The following AKAP13 variants were observed in gnomAD, a reference collection of about 807,000 sequenced individuals.
The protein encoded by AKAP13 is A-kinase anchor protein 13.
AKAP13 carries 80 observed loss-of-function variants against 264.5 expected under a neutral mutation model. That is an observed-to-expected ratio of 0.30 (90% CI 0.25 to 0.36). The LOEUF is 0.36. AKAP13 is among the 10% of genes least tolerant of loss of function. The pLI, the probability that AKAP13 is intolerant of heterozygous loss-of-function variation, is 1.00. For synonymous variants in AKAP13, 1,380 were observed against 1,250.2 expected, an observed-to-expected ratio of 1.10 and a Z score of -2.19; for missense variants, 3,712 against 3,435.2, an observed-to-expected ratio of 1.08 and a Z score of -2.01.
At chr15:85,627,767 T>TGCAC (rs1313920405) in intron 8 of AKAP13, 1 of 152,288 alleles carries the variant, frequency 6.6e-6, no homozygotes, top group Non-Finnish European at 1.5e-5. Context: ...TGACGTAGTG[T>TGCAC]GCACGTTCCT....
intron 17 of AKAP13, among the ~76,000 whole-genome samples, chr15:85,694,296 G>C (rs887652708): frequency 1.1e-4 from 17 of 152,206 alleles, no homozygotes; most frequent in Admixed American, 7.9e-4. Context: ...GTTTTGATAA[G>C]ACACTCTCAG....
intron 32 of AKAP13, 78 bp downstream of exon 32, chr15:85,735,708 T>C (rs1405756071): frequency 1.5e-5 from 21 of 1,411,818 alleles, no homozygotes; most frequent in Non-Finnish European, 2.1e-5. Flanking sequence ...TATTTCACTT[T>C]GATGTTGTTT....
intron 26 of AKAP13, among the ~76,000 whole-genome samples, chr15:85,725,175 G>A (rs538936880): frequency 2.0e-5 from 3 of 152,192 alleles, no homozygotes; most frequent in African/African-American, 4.8e-5. Flanking sequence ...GCGGCAGAAC[G>A]ATAGGTTTTC....
intron 5 of AKAP13, among the ~76,000 whole-genome samples, chr15:85,573,546 AAAAT>A (rs141173816): frequency 5.7e-4 from 83 of 145,882 alleles, no homozygotes; most frequent in Non-Finnish European, 8.7e-4. Flanking sequence ...CTCTGTCTCA[AAAAT>A]AAATAAATAA....
intron 8 of AKAP13, among the ~76,000 whole-genome samples, chr15:85,595,290 G>T (rs537731453): frequency 1.3e-5 from 2 of 151,864 alleles, no homozygotes; most frequent in African/African-American, 2.4e-5. Context: ...GTAGAGACAC[G>T]GTCTCCACAA....
chr15:85,645,087 T>A (rs1181756368), intron 9 of AKAP13, among the ~76,000 whole-genome samples: 1 of 152,222 alleles, frequency 6.6e-6, no homozygotes, highest in Non-Finnish European at 1.5e-5. Context: ...GTCACCGTAG[T>A]ACAGCCTGAG....
In AKAP13 at chr15:85,581,881, T is replaced by C; in HGVS notation, c.3813T>C (p.Thr1271=). 1 of 1,614,162 alleles carries C rather than the reference T, an allele frequency of 6.2e-7. No individual in the cohort carries two copies. ...TCAAGGCCGCTGGAGCACTGCTTACTGAGGGGGAGGCCTGTCACATGTCAC... is the reference window on the plus strand; with the variant it reads ...TCAAGGCCGCTGGAGCACTGCTTACCGAGGGGGAGGCCTGTCACATGTCAC... ...EQVKAAGALL[T]EGEACHMSLS... Residue 1271 remains threonine (T), a synonymous_variant, in exon 7 of 37, where the codon ACT becomes ACC. Coordinates refer to ENST00000394518, the MANE Select transcript of AKAP13 (RefSeq NM_007200.5).
chr15:85,530,659 A>G (rs1388469338), intron 3 of AKAP13, among the ~76,000 whole-genome samples: 1 of 152,222 alleles, frequency 6.6e-6, no homozygotes, highest in Non-Finnish European at 1.5e-5. Flanking sequence ...AGAAGTTTAC[A>G]GATTAGCTTA....
Position 85,744,922 on chromosome 15 carries a change from C to G in AKAP13, c.*245C>G. 1 of 439,624 alleles carries G rather than the reference C, an allele frequency of 2.3e-6. No homozygotes were observed. Among genetic ancestry groups the G allele is most frequent in the Non-Finnish European group, 4.0e-6 (1 of 249,008 alleles). The allele number at this position is 439,624 out of a possible 1,614,324, so 27.2% of individuals were successfully genotyped here. Reference sequence around the variant, plus strand: ...CCAGGACTCTCAGGTTGGGCTGGCCCTACTCAGGATTACACTGAAAGTAAT... The same window carrying G: ...CCAGGACTCTCAGGTTGGGCTGGCCGTACTCAGGATTACACTGAAAGTAAT... On this transcript the variant is annotated 3_prime_UTR_variant, in exon 37 of 37. Coordinates refer to ENST00000394518, the MANE Select transcript of AKAP13 (RefSeq NM_007200.5).
In AKAP13 at chr15:85,618,853, C is replaced by CT. The variant is rs561129203; in HGVS notation, c.4162-20519dup. The stretch of plus-strand genomic sequence containing the variant: ...CCCTTCTCCCTCCCCAAAAATAAAG[C>CT]TTAACTCTTGATAATTTTTAAACTT... On this transcript the variant is annotated intron_variant, in intron 8 of 36. Transcript: ENST00000394518. Among the ~76,000 whole-genome samples, 5 of 152,286 alleles carry CT rather than the reference C, an allele frequency of 3.3e-5. No homozygotes were observed. In the South Asian group the frequency reaches 1.0e-3, roughly 32 times the overall value.
intron 8 of AKAP13, among the ~76,000 whole-genome samples, chr15:85,636,613 T>G (rs565929201): frequency 1.6e-4 from 15 of 92,216 alleles, no homozygotes; most frequent in Admixed American, 8.5e-4. Flanking sequence ...TGAATTTTGC[T>G]GATTTTTTTT....
At chr15:85,574,879 C>G (rs567824833) in intron 5 of AKAP13, among the ~76,000 whole-genome samples, 1 of 152,180 alleles carries the variant, frequency 6.6e-6, no homozygotes, top group African/African-American at 2.4e-5. Context: ...CCACATATCT[C>G]TTTATCTTGA....
At chr15:85,677,031 CCTT>C in intron 14 of AKAP13, 1 of 985,482 alleles carries the variant, frequency 1.0e-6, no homozygotes. Flanking sequence ...CTCCGCTCCT[CCTT>C]AAGTCTAAAA....
intron 2 of AKAP13, among the ~76,000 whole-genome samples, chr15:85,487,905 A>C (rs1276332138): frequency 2.0e-5 from 3 of 151,018 alleles, no homozygotes; most frequent in African/African-American, 7.3e-5. Flanking sequence ...CTATTTATTT[A>C]TGTATTTATT....
intron 3 of AKAP13, among the ~76,000 whole-genome samples, chr15:85,530,289 TA>T (rs1212441033): frequency 6.6e-6 from 1 of 152,208 alleles, no homozygotes; most frequent in Admixed American, 6.5e-5. Flanking sequence ...TGCTGATACT[TA>T]CTTTGGCACT....
chr15:85,631,489 C>G (rs892599170), intron 8 of AKAP13, among the ~76,000 whole-genome samples: 14 of 62,054 alleles, frequency 2.3e-4, no homozygotes, highest in Admixed American at 2.0e-3. Context: ...CACTTTCTCT[C>G]TCTCTCTCTC....
In AKAP13 at chr15:85,582,313, C is replaced by T. The variant is rs118024695; in HGVS notation, c.4039+206C>T. The stretch of plus-strand genomic sequence containing the variant: ...TTTTGCTTCCTGTATTGTAGACTTA[C>T]TGCTTGGTTGCTTAAGCTTATAAAC... On this transcript the variant is annotated intron_variant, in intron 7 of 36. Transcript: ENST00000394518. 9.3e-3 allele frequency among the ~76,000 whole-genome samples: 1,411 copies of T among 152,298 alleles called. 9 individuals carry two copies. The highest frequency in any genetic ancestry group is 0.017 in the Admixed American group (264 of 15,300).
intron 5 of AKAP13, chr15:85,544,239 A>C (rs749967441): frequency 2.3e-4 from 120 of 526,470 alleles, no homozygotes; most frequent in Non-Finnish European, 3.9e-4. Flanking sequence ...AGTCAGAATG[A>C]GCCTTGTCTG....
intron 1 of AKAP13, among the ~76,000 whole-genome samples, chr15:85,463,023 C>CAAA (rs35565608): frequency 0.094 from 6,106 of 64,928 alleles, 476 homozygotes; most frequent in Middle Eastern, 0.13. Flanking sequence ...GACTCCGTCT[C>CAAA]AAAAAAAAAA....
Sources: gnomAD v4.1 joint callset for allele counts (sites outside exome capture counted in the v4.1 genomes callset) on GRCh38, gnomAD v4.1.1 for gene constraint, MANE v1.5 for transcripts, NCBI Gene and HGNC (gene_info 2026-07-23, HGNC 2026-07-21) for gene names.